The following RYR2 variants were observed in gnomAD, a reference collection of about 807,000 sequenced individuals.
RYR2 encodes cardiac muscle ryanodine receptor-calcium release channel.
A neutral mutation model predicts 601.1 loss-of-function variants in RYR2; 227 were observed. That is an observed-to-expected ratio of 0.38 (90% CI 0.34 to 0.42). The LOEUF (loss-of-function observed/expected upper bound fraction) is 0.42, where lower values mean the gene tolerates loss of function less well. Among genes scored for constraint, RYR2 ranks in the 10% least tolerant of loss-of-function variants. The probability of loss-of-function intolerance (pLI) is 1.00; values close to 1 mark genes in which losing one functional copy is unlikely to be tolerated. For missense variants in RYR2, 4,646 were observed against 6,156.5 expected (o/e 0.75, Z 8.21); for synonymous variants, 2,223 against 2,175.1 (o/e 1.02, Z -0.61).
Position 237,627,856 on chromosome 1 carries a change from G to A in RYR2, c.6216G>A (p.Glu2072=), listed in dbSNP as rs886046271. The A allele has an allele frequency of 6.2e-7, 1 of 1,613,428 alleles. No homozygotes were observed. The highest frequency in any genetic ancestry group is 2.2e-5 in the East Asian group (1 of 44,836). The part of the protein sequence containing the change: ...ISETMVRWAQ[E]SVIEDPELVR... The stretch of plus-strand genomic sequence containing the variant: ...AGACCATGGTCCGATGGGCTCAGGA[G>A]TCTGTCATTGAAGACCCCGAGCTGG... The change falls in exon 41 of 105, where the codon GAG becomes GAA. Residue 2072 remains glutamate, a synonymous_variant. Transcript: ENST00000366574.
chr1:237,064,600 G>C (rs1663293993), intron 1 of RYR2, among the ~76,000 whole-genome samples: 1 of 151,976 alleles, frequency 6.6e-6, no homozygotes, highest in African/African-American at 2.4e-5. Flanking sequence ...ATTTTATTCT[G>C]GTAGGTAGGT....
intron 1 of RYR2, among the ~76,000 whole-genome samples, chr1:237,149,555 G>A (rs1674470961): frequency 2.0e-5 from 3 of 151,988 alleles, no homozygotes; most frequent in Admixed American, 2.0e-4. Context: ...ACTCTGAGGG[G>A]AAGAATACAA....
intron 3 of RYR2, among the ~76,000 whole-genome samples, chr1:237,348,275 A>T (rs984913074): frequency 6.6e-6 from 1 of 152,152 alleles, no homozygotes; most frequent in African/African-American, 2.4e-5. Flanking sequence ...ATTCCAGATC[A>T]TTTTTCTGTT....
chr1:237,360,362 G>A (rs1263250319), intron 4 of RYR2, among the ~76,000 whole-genome samples: 2 of 152,144 alleles, frequency 1.3e-5, no homozygotes, highest in African/African-American at 4.8e-5. Context: ...GGGAAATGAA[G>A]AAAGCCCTAG....
At position 237,674,849 on chromosome 1, in the gene RYR2, A is replaced by C. The variant is rs747334564; in HGVS notation, c.8830+3A>C. The C allele has an allele frequency of 6.5e-7, 1 of 1,531,762 alleles. No individual in the cohort carries two copies. The highest frequency in any genetic ancestry group is 1.1e-5 in the South Asian group (1 of 88,330). 94.9% of individuals were successfully genotyped at this position (1,531,762 alleles called of 1,614,324 possible). On this transcript the variant is annotated splice_donor_region_variant and intron_variant, in intron 60 of 104. Coordinates refer to ENST00000366574, the MANE Select transcript of RYR2 (RefSeq NM_001035.3). The stretch of plus-strand genomic sequence containing the variant: ...CCATCAGTATATCCTGGAGTTTGGT[A>C]GGTACCATAGTCCCATTGCTAATAG...
intron 30 of RYR2, 112 bp downstream of exon 30, chr1:237,590,113 T>A (rs1674985226): frequency 6.1e-6 from 6 of 978,306 alleles, no homozygotes; most frequent in Non-Finnish European, 9.0e-6. Context: ...AATGATGACC[T>A]TGATGTGTTA....
chr1:237,297,357 G>A lies in RYR2; in HGVS notation c.168+26741G>A, dbSNP rs149061605. Among the ~76,000 whole-genome samples the A allele has an allele frequency of 2.6e-5, 4 of 152,264 alleles. No homozygotes were observed. In the East Asian group the frequency reaches 7.7e-4, roughly 29 times the overall value. On this transcript the variant is annotated intron_variant, in intron 2 of 104. Coordinates refer to ENST00000366574, the MANE Select transcript of RYR2 (RefSeq NM_001035.3). ...AACAAACTGCAGGAACAGATAAGCTGTCCACTCTTCAGTGTGTTTAACACG... is the reference window on the plus strand; with the variant it reads ...AACAAACTGCAGGAACAGATAAGCTATCCACTCTTCAGTGTGTTTAACACG...
intron 17 of RYR2, among the ~76,000 whole-genome samples, chr1:237,476,806 A>G (rs1011048617): frequency 6.6e-6 from 1 of 152,206 alleles, no homozygotes; most frequent in Non-Finnish European, 1.5e-5. Flanking sequence ...AGCTCACATG[A>G]TATTTATTGT....
chr1:237,742,751 T>G lies in RYR2; in HGVS notation c.11145+402T>G, dbSNP rs1357151. Among the ~76,000 whole-genome samples, 1,330 of 152,316 alleles carry G rather than the reference T, an allele frequency of 8.7e-3. 17 individuals carry two copies. Among genetic ancestry groups the G allele is most frequent in the African/African-American group, 0.03 (1,254 of 41,564 alleles). On this transcript the variant is annotated intron_variant, in intron 80 of 104. Coordinates refer to ENST00000366574, the MANE Select transcript of RYR2 (RefSeq NM_001035.3). ...TTTCCTGAATAGAAGTCTTAAAGATTTGGCCTTAAAGACTTCTGCCCAATT... is the reference window on the plus strand; with the variant it reads ...TTTCCTGAATAGAAGTCTTAAAGATGTGGCCTTAAAGACTTCTGCCCAATT...
At chr1:237,213,915 C>CTTTTTTTTTTT (rs71180008) in intron 1 of RYR2, among the ~76,000 whole-genome samples, 2 of 65,496 alleles carry the variant, frequency 3.1e-5, no homozygotes, top group African/African-American at 5.7e-5. Flanking sequence ...TTTTCTTTTT[C>CTTTTTTTTTTT]TTTTTTTTTT....
At chr1:237,578,566 G>T (rs1397356172) in intron 29 of RYR2, among the ~76,000 whole-genome samples, 3 of 152,146 alleles carry the variant, frequency 2.0e-5, no homozygotes, top group Non-Finnish European at 4.4e-5. Context: ...CTACACAAGA[G>T]AATTTCTTTC....
chr1:237,675,567 C>T (rs1290920447), intron 60 of RYR2, among the ~76,000 whole-genome samples: 4 of 152,130 alleles, frequency 2.6e-5, no homozygotes, highest in African/African-American at 9.6e-5. Context: ...AAATAGTGTG[C>T]TTTTCTGGTG....
intron 29 of RYR2, among the ~76,000 whole-genome samples, chr1:237,581,775 C>G (rs1291186260): frequency 6.6e-6 from 1 of 152,168 alleles, no homozygotes; most frequent in East Asian, 1.9e-4. Context: ...GTGCAACCTG[C>G]TATCATGATA....
At chr1:237,064,531 A>G (rs1663284358) in intron 1 of RYR2, among the ~76,000 whole-genome samples, 1 of 152,102 alleles carries the variant, frequency 6.6e-6, no homozygotes, top group Non-Finnish European at 1.5e-5. Context: ...TGTATTGGAC[A>G]TAATGTAAGA....
At chr1:237,643,619 C>CTTTTT (rs113722212) in intron 48 of RYR2, among the ~76,000 whole-genome samples, 172 bp downstream of exon 48, 1 of 147,338 alleles carries the variant, frequency 6.8e-6, no homozygotes. Flanking sequence ...TAATTTTTTC[C>CTTTTT]TTTTTTTTTT....
intron 22 of RYR2, among the ~76,000 whole-genome samples, chr1:237,504,492 A>G (rs923848148): frequency 6.6e-6 from 1 of 152,132 alleles, no homozygotes; most frequent in African/African-American, 2.4e-5. Context: ...AGTTAAGGCT[A>G]TTTTTACTTC....
chr1:237,600,246 AACAG>A (rs1676349761), intron 34 of RYR2, among the ~76,000 whole-genome samples: 2 of 152,272 alleles, frequency 1.3e-5, no homozygotes, highest in South Asian at 2.1e-4. Flanking sequence ...TGGTAACCAA[AACAG>A]ACATATAGAC....
intron 10 of RYR2, among the ~76,000 whole-genome samples, chr1:237,392,364 T>C (rs1450579405): frequency 6.6e-6 from 1 of 152,140 alleles, no homozygotes; most frequent in Non-Finnish European, 1.5e-5. Context: ...CCTGAAGTGA[T>C]GGATCCCTCA....
chr1:237,180,043 T>G lies in RYR2; in HGVS notation c.49-90454T>G, dbSNP rs1023320405. On this transcript the variant is annotated intron_variant, in intron 1 of 104. Transcript: ENST00000366574. This position sits in a 1 kb window ranked among gnomAD's most constrained non-coding sequence, Gnocchi z 5.3. ...CAGCAAGTGATAAAGCTTTGACCCCTGGGTATATTGTTGATGGGAGACCCG... is the reference window on the plus strand; with the variant it reads ...CAGCAAGTGATAAAGCTTTGACCCCGGGGTATATTGTTGATGGGAGACCCG... 1.3e-5 allele frequency among the ~76,000 whole-genome samples: 2 copies of G among 152,022 alleles called. No individual in the cohort carries two copies. The highest frequency in any genetic ancestry group is 2.9e-5 in the Non-Finnish European group (2 of 68,020).
Sources: allele counts gnomAD v4.1 joint callset (sites outside exome capture counted in the v4.1 genomes callset), GRCh38; gene constraint gnomAD v4.1.1; non-coding constraint Gnocchi (gnomAD v3.1); transcripts MANE v1.5; gene names NCBI Gene and HGNC (gene_info 2026-07-23, HGNC 2026-07-21).